The following METTL16 variants were observed in gnomAD, a reference collection of about 807,000 sequenced individuals.
METTL16 encodes the protein RNA N(6)-adenosine-methyltransferase METTL16.
Under a neutral mutation model 57.9 loss-of-function variants are expected in METTL16, and 19 were observed. That is an observed-to-expected ratio of 0.33 (90% CI 0.23 to 0.48). The LOEUF is 0.48. METTL16 is among the 20% of genes least tolerant of loss of function. METTL16 has a pLI of 0.99. For missense variants in METTL16, 434 were observed against 691.5 expected (o/e 0.63, Z 4.18); for synonymous variants, 246 against 255.6 (o/e 0.96, Z 0.36).
chr17:2,507,508 G>A (rs1477901752), intron 1 of METTL16, among the ~76,000 whole-genome samples: 4 of 149,394 alleles, frequency 2.7e-5, no homozygotes, highest in Admixed American at 6.6e-5. Flanking sequence ...GAGGTGGGGG[G>A]GTCAGCCCCC....
intron 2 of METTL16, among the ~76,000 whole-genome samples, chr17:2,496,450 C>A (rs750809640): frequency 6.6e-6 from 1 of 151,534 alleles, no homozygotes; most frequent in Non-Finnish European, 1.5e-5. Flanking sequence ...AGACGTGCAC[C>A]ACTATACCCT....
At chr17:2,506,411 G>C (rs551083322) in intron 1 of METTL16, among the ~76,000 whole-genome samples, 1 of 151,722 alleles carries the variant, frequency 6.6e-6, no homozygotes, top group East Asian at 1.9e-4. Context: ...TCAGCCTGCC[G>C]AGTGCCTGCG....
At chr17:2,472,346 G>A (rs2067240969) in intron 4 of METTL16, among the ~76,000 whole-genome samples, 1 of 152,148 alleles carries the variant, frequency 6.6e-6, no homozygotes, top group Admixed American at 6.6e-5. Context: ...CATTGCTGCT[G>A]GGAGTGCAAA....
At chr17:2,453,140 G>A (rs1461336842) in intron 6 of METTL16, among the ~76,000 whole-genome samples, 2 of 152,216 alleles carry the variant, frequency 1.3e-5, no homozygotes, top group East Asian at 3.8e-4. Flanking sequence ...GATTACAGGT[G>A]TGAGCCGCTG....
chr17:2,454,194 G>A (rs531360483), intron 6 of METTL16, among the ~76,000 whole-genome samples: 9 of 152,172 alleles, frequency 5.9e-5, no homozygotes, highest in African/African-American at 1.2e-4. Context: ...GGAATTTACC[G>A]TTTCTCCAAA....
intron 6 of METTL16, among the ~76,000 whole-genome samples, chr17:2,452,993 G>A (rs2067082089): frequency 6.6e-6 from 1 of 152,002 alleles, no homozygotes; most frequent in Admixed American, 6.6e-5. Context: ...CAGAGTAGCT[G>A]GGATTACAGG....
intron 6 of METTL16, among the ~76,000 whole-genome samples, chr17:2,445,619 C>A (rs2066989396): frequency 6.6e-6 from 1 of 151,952 alleles, no homozygotes; most frequent in South Asian, 2.1e-4. Flanking sequence ...AACCCCGCCT[C>A]TACTGAAAAT....
intron 6 of METTL16, among the ~76,000 whole-genome samples, chr17:2,447,791 C>T (rs2067019536): frequency 2.5e-5 from 3 of 118,532 alleles, no homozygotes; most frequent in South Asian, 2.9e-4. Flanking sequence ...CCGCCCCGTC[C>T]GGGAGGGAGG....
intron 6 of METTL16, among the ~76,000 whole-genome samples, chr17:2,443,113 T>C (rs1438803359): frequency 6.6e-6 from 1 of 151,828 alleles, no homozygotes. Flanking sequence ...CTCAGCCTCC[T>C]GAGTAGTTGG....
chr17:2,502,907 C>T (rs892263049), intron 1 of METTL16, among the ~76,000 whole-genome samples: 1 of 151,516 alleles, frequency 6.6e-6, no homozygotes, highest in African/African-American at 2.4e-5. Context: ...CTGCTGTCAA[C>T]AAAAAAACAA....
At chr17:2,446,858 C>A (rs572252355) in intron 6 of METTL16, among the ~76,000 whole-genome samples, 3 of 152,198 alleles carry the variant, frequency 2.0e-5, no homozygotes, top group South Asian at 2.1e-4. Flanking sequence ...GCCGGGATTG[C>A]GGATGGAGTC....
intron 2 of METTL16, among the ~76,000 whole-genome samples, chr17:2,496,889 C>T (rs1481874621): frequency 6.6e-6 from 1 of 151,728 alleles, no homozygotes; most frequent in African/African-American, 2.4e-5. Flanking sequence ...TAACCAGATG[C>T]CAGGGCCTTG....
intron 6 of METTL16, among the ~76,000 whole-genome samples, chr17:2,443,956 T>C (rs950274193): frequency 6.6e-6 from 1 of 152,246 alleles, no homozygotes; most frequent in Non-Finnish European, 1.5e-5. Flanking sequence ...GTTTTTAGCA[T>C]AGCATGTTGA....
Position 2,446,558 on chromosome 17 carries a change from A to G in METTL16, c.729-4999T>C, listed in dbSNP as rs561540268. Among the ~76,000 whole-genome samples, 3 of 152,184 alleles carry G rather than the reference A, an allele frequency of 2.0e-5. No individual in the cohort carries two copies. The South Asian group carries it at 6.2e-4, about 32-fold the overall frequency. ...AGCACTTTGGAAGGCCAAGGTGGGTAGATCACAAGGTCAAGAGATCAAGAG... is the reference window on the plus strand; with the variant it reads ...AGCACTTTGGAAGGCCAAGGTGGGTGGATCACAAGGTCAAGAGATCAAGAG... On this transcript the variant is annotated intron_variant, in intron 6 of 9. Coordinates refer to ENST00000263092, the MANE Select transcript of METTL16 (RefSeq NM_024086.4).
intron 2 of METTL16, among the ~76,000 whole-genome samples, chr17:2,478,947 A>G (rs1266017457): frequency 6.6e-6 from 1 of 152,174 alleles, no homozygotes; most frequent in East Asian, 1.9e-4. Flanking sequence ...TGCTATGAAC[A>G]TTTACATACA....
chr17:2,428,594 TATATATA>T (rs2066843131), intron 8 of METTL16, among the ~76,000 whole-genome samples: 1 of 50,014 alleles, frequency 2.0e-5, no homozygotes, highest in South Asian at 8.8e-4. Flanking sequence ...TATATATATA[TATATATA>T]TAAATTGTAA....
At chr17:2,469,846 A>G (rs746199850) in intron 4 of METTL16, among the ~76,000 whole-genome samples, 67 of 152,158 alleles carry the variant, frequency 4.4e-4, no homozygotes, top group Non-Finnish European at 4.4e-4. Context: ...AAAAGATGGT[A>G]TAGTTTAATC....
intron 4 of METTL16, among the ~76,000 whole-genome samples, chr17:2,469,401 G>C (rs1175598800): frequency 6.6e-6 from 1 of 152,010 alleles, no homozygotes; most frequent in Non-Finnish European, 1.5e-5. Context: ...CTTTCATAAA[G>C]AGACATAAAA....
intron 6 of METTL16, among the ~76,000 whole-genome samples, chr17:2,442,445 T>G (rs1017371347): frequency 1.3e-5 from 2 of 151,540 alleles, no homozygotes; most frequent in Non-Finnish European, 2.9e-5. Context: ...AGTTACGATT[T>G]GTAAAGCAAA....
Sources: allele counts gnomAD v4.1 joint callset (sites outside exome capture counted in the v4.1 genomes callset), GRCh38; gene constraint gnomAD v4.1.1; transcripts MANE v1.5; gene names NCBI Gene and HGNC (gene_info 2026-07-23, HGNC 2026-07-21).